LRRC37A2: variants seen among roughly 807,000 people sequenced by gnomAD.
The protein encoded by LRRC37A2 is leucine rich repeat containing 37 member A2, also known as leucine-rich repeat-containing protein 37A2.
LRRC37A2 carries 9 observed loss-of-function variants against 68.8 expected under a neutral mutation model. That is an observed-to-expected ratio of 0.13 (90% CI 0.08 to 0.23). The LOEUF is 0.23. Among genes scored for constraint, LRRC37A2 ranks in the 10% least tolerant of loss-of-function variants. The pLI is 1.00. For synonymous variants in LRRC37A2, 63 were observed against 367.6 expected (o/e 0.17, Z 9.48); for missense variants, 168 against 950.4 (o/e 0.18, Z 10.82).
At chr17:46,751,654 A>G in the LRRC37A2 span, 1 of 1,360,032 alleles carries the variant, frequency 7.4e-7, no homozygotes, top group Non-Finnish European at 1.1e-6. Flanking sequence ...CAGACAGAAC[A>G]AAGCTTCAGG....
chr17:46,924,711 A>G, the LRRC37A2 span, among the ~76,000 whole-genome samples: 1 of 152,198 alleles, frequency 6.6e-6, no homozygotes, highest in Non-Finnish European at 1.5e-5. Flanking sequence ...ATTTTCTTTT[A>G]CACTGGGGAG....
chr17:46,875,135 C>T, the LRRC37A2 span: 4 of 1,613,846 alleles, frequency 2.5e-6, no homozygotes, highest in South Asian at 1.1e-5. Flanking sequence ...ACGCGGTGTC[C>T]TCTGCCGCCC....
the LRRC37A2 span, among the ~76,000 whole-genome samples, chr17:46,861,964 G>A: frequency 6.6e-6 from 1 of 152,228 alleles, no homozygotes; most frequent in East Asian, 1.9e-4. Context: ...AGGAGTTTGA[G>A]AACAGCCTGG....
chr17:46,853,773 T>C, the LRRC37A2 span, among the ~76,000 whole-genome samples: 2 of 152,140 alleles, frequency 1.3e-5, no homozygotes, highest in Non-Finnish European at 2.9e-5. Context: ...CTATATCCTC[T>C]TACACACTGG....
the LRRC37A2 span, among the ~76,000 whole-genome samples, chr17:46,965,930 T>G: frequency 6.6e-6 from 1 of 152,100 alleles, no homozygotes; most frequent in African/African-American, 2.4e-5. Flanking sequence ...TGTGCCTGGC[T>G]GCTATGACTT....
the LRRC37A2 span, among the ~76,000 whole-genome samples, chr17:47,011,627 A>T: frequency 6.6e-6 from 1 of 151,618 alleles, no homozygotes; most frequent in Non-Finnish European, 1.5e-5. Context: ...GTTGGTCTGA[A>T]ACTCCTGGCC....
At chr17:46,943,751 C>T in the LRRC37A2 span, among the ~76,000 whole-genome samples, 1 of 152,244 alleles carries the variant, frequency 6.6e-6, no homozygotes, top group Admixed American at 6.5e-5. Flanking sequence ...GAGCCATGTG[C>T]TCACAGGGCC....
At chr17:46,851,965 C>T in the LRRC37A2 span, among the ~76,000 whole-genome samples, 1 of 152,164 alleles carries the variant, frequency 6.6e-6, no homozygotes, top group Admixed American at 6.5e-5. This position sits in a 1 kb window ranked among gnomAD's most constrained non-coding sequence, Gnocchi z 4.3. Flanking sequence ...CCAGCCGCCG[C>T]TCTCCTCATC....
chr17:46,898,000 T>G, the LRRC37A2 span, among the ~76,000 whole-genome samples: 4 of 152,138 alleles, frequency 2.6e-5, no homozygotes, highest in African/African-American at 9.7e-5. Context: ...TCTCCTCTTT[T>G]TCCAGAAAAT....
At chr17:46,876,476 T>A in the LRRC37A2 span, 3 of 1,613,510 alleles carry the variant, frequency 1.9e-6, no homozygotes, top group East Asian at 4.5e-5. Context: ...GGCCCCAAGG[T>A]CTGGGGACCT....
the LRRC37A2 span, among the ~76,000 whole-genome samples, chr17:46,999,676 A>G: frequency 2.6e-5 from 4 of 151,940 alleles, no homozygotes; most frequent in Non-Finnish European, 4.4e-5. Context: ...ACCTCTCTGC[A>G]TTTAGTTTCT....
At chr17:46,733,082 C>T in the LRRC37A2 span, among the ~76,000 whole-genome samples, 10 of 152,168 alleles carry the variant, frequency 6.6e-5, no homozygotes, top group South Asian at 4.1e-4. Context: ...AGGAAATGTC[C>T]GGCTTAGCAG....
At chr17:46,789,371 T>G in the LRRC37A2 span, among the ~76,000 whole-genome samples, 9 of 152,274 alleles carry the variant, frequency 5.9e-5, no homozygotes, top group Non-Finnish European at 1.2e-4. Flanking sequence ...GGCAGATCAC[T>G]TGGGGTGGTT....
chr17:46,865,570 G>C, the LRRC37A2 span, among the ~76,000 whole-genome samples: 2 of 152,154 alleles, frequency 1.3e-5, no homozygotes, highest in South Asian at 4.1e-4. Flanking sequence ...GGAACGAGTG[G>C]TTTTGAGGTC....
the LRRC37A2 span, among the ~76,000 whole-genome samples, chr17:46,833,993 T>C: frequency 1.3e-5 from 2 of 152,018 alleles, no homozygotes; most frequent in Non-Finnish European, 2.9e-5. Flanking sequence ...GCCAAGAGTT[T>C]GAGACCAACC....
the LRRC37A2 span, chr17:46,755,993 T>C: frequency 6.4e-6 from 4 of 620,314 alleles, no homozygotes; most frequent in Admixed American, 1.3e-4. Context: ...TTATGCATAC[T>C]GAGATAGCTT....
chr17:46,543,108 G>C (rs1174000921), intron 8 of LRRC37A2, among the ~76,000 whole-genome samples: 2 of 149,840 alleles, frequency 1.3e-5, no homozygotes, highest in African/African-American at 2.5e-5. Flanking sequence ...CTTTTTTCTT[G>C]ACCATTATTG....
the LRRC37A2 span, among the ~76,000 whole-genome samples, chr17:46,708,852 G>A: frequency 9.3e-5 from 10 of 107,958 alleles, no homozygotes; most frequent in East Asian, 2.8e-3. Context: ...TTGAGACTGA[G>A]TCTTGCTCTG....
the LRRC37A2 span, among the ~76,000 whole-genome samples, chr17:46,815,960 G>T: frequency 5.9e-5 from 9 of 152,096 alleles, no homozygotes; most frequent in African/African-American, 2.2e-4. Context: ...GATCACAGGC[G>T]GACTCAGACA....
Sources: gnomAD v4.1 joint callset for allele counts (sites outside exome capture counted in the v4.1 genomes callset) on GRCh38, gnomAD v4.1.1 for gene constraint, Gnocchi (gnomAD v3.1) non-coding constraint, MANE v1.5 for transcripts, NCBI Gene and HGNC (gene_info 2026-07-23, HGNC 2026-07-21) for gene names.